Variants in SYN3 observed in about 807,000 individuals in gnomAD.
The protein encoded by SYN3 is synapsin III.
Under a neutral mutation model 65.8 loss-of-function variants are expected in SYN3, and 35 were observed. The ratio of observed to expected loss-of-function variants is 0.53; its 90% CI spans 0.41 to 0.70. The LOEUF is 0.70. SYN3 is among the 30% of genes least tolerant of loss of function. The pLI is 0.00. For synonymous variants in SYN3, 270 were observed against 292.9 expected (o/e 0.92, Z 0.80); for missense variants, 680 against 749.0 (o/e 0.91, Z 1.08).
intron 6 of SYN3, among the ~76,000 whole-genome samples, chr22:32,684,134 T>C (rs2147124682): frequency 6.6e-6 from 1 of 152,280 alleles, no homozygotes; most frequent in African/African-American, 2.4e-5. Context: ...CCAGGAACAA[T>C]GATTGATCCA....
In SYN3 at chr22:32,759,693, C is replaced by T. The variant is rs569901701; in HGVS notation, c.711+105222G>A. On this transcript the variant is annotated intron_variant, in intron 6 of 13. Transcript: ENST00000358763. Reference sequence around the variant, plus strand: ...CCACGGCACCCCCAGCCAGCACCCACGCACCACCAGCCAGCACCCACCCAC... The same window carrying T: ...CCACGGCACCCCCAGCCAGCACCCATGCACCACCAGCCAGCACCCACCCAC... Among the ~76,000 whole-genome samples, 7 of 134,352 alleles carry T rather than the reference C, an allele frequency of 5.2e-5. No individual in the cohort carries two copies. The South Asian group carries it at 8.5e-4, about 16-fold the overall frequency. 88.1% of individuals were successfully genotyped at this position (134,352 alleles called of 152,430 possible). A position where few individuals can be genotyped will look rare whatever the true frequency, so the allele number is the denominator to read the frequency against.
At chr22:32,806,772 A>T (rs935011387) in intron 6 of SYN3, among the ~76,000 whole-genome samples, 1 of 147,800 alleles carries the variant, frequency 6.8e-6, no homozygotes, top group African/African-American at 2.4e-5. Context: ...ATCCATTTCT[A>T]TTTATCATTT....
chr22:32,970,569 A>T (rs551860000), intron 3 of SYN3, among the ~76,000 whole-genome samples: 1 of 152,120 alleles, frequency 6.6e-6, no homozygotes, highest in Non-Finnish European at 1.5e-5. Context: ...AGAAAAAAAA[A>T]GGTAAAGACG....
intron 6 of SYN3, among the ~76,000 whole-genome samples, chr22:32,637,394 T>A (rs2059831163): frequency 6.6e-6 from 1 of 152,218 alleles, no homozygotes; most frequent in Non-Finnish European, 1.5e-5. Context: ...GTCTGCCGAA[T>A]ACACAGTCTG....
At chr22:33,020,829 C>G (rs948008165) in intron 1 of SYN3, among the ~76,000 whole-genome samples, 2 of 152,182 alleles carry the variant, frequency 1.3e-5, no homozygotes, top group South Asian at 4.1e-4. Flanking sequence ...GACCAGGTTG[C>G]TTGGGTTCCA....
At chr22:32,759,615 C>A (rs1230204705) in intron 6 of SYN3, among the ~76,000 whole-genome samples, 1 of 150,672 alleles carries the variant, frequency 6.6e-6, no homozygotes, top group Non-Finnish European at 1.5e-5. Context: ...CCTCGACCTG[C>A]CTGATTCCTA....
intron 7 of SYN3, among the ~76,000 whole-genome samples, chr22:32,574,752 G>C (rs1268887983): frequency 6.6e-6 from 1 of 152,188 alleles, no homozygotes; most frequent in Non-Finnish European, 1.5e-5. Context: ...GCCTTCTCAT[G>C]ATCTGAATAG....
intron 12 of SYN3, among the ~76,000 whole-genome samples, chr22:32,519,226 G>A (rs1242598402): frequency 1.3e-5 from 2 of 152,092 alleles, no homozygotes; most frequent in Non-Finnish European, 2.9e-5. Context: ...CATTTCTAAC[G>A]GGTTCCCAGC....
At chr22:32,625,915 CG>C (rs1345099185) in intron 6 of SYN3, among the ~76,000 whole-genome samples, 1 of 152,078 alleles carries the variant, frequency 6.6e-6, no homozygotes, top group African/African-American at 2.4e-5. Flanking sequence ...TATCGATAAC[CG>C]TAAGTCAAGG....
At chr22:32,851,287 G>A (rs939490920) in intron 6 of SYN3, among the ~76,000 whole-genome samples, 14 of 152,064 alleles carry the variant, frequency 9.2e-5, no homozygotes, top group Non-Finnish European at 1.6e-4. Flanking sequence ...GCAGAGAGCT[G>A]AGAGGGAAAT....
intron 6 of SYN3, among the ~76,000 whole-genome samples, chr22:32,650,774 C>T (rs558011089): frequency 2.5e-4 from 38 of 152,296 alleles, no homozygotes; most frequent in South Asian, 4.1e-4. Flanking sequence ...TACTGTACAG[C>T]GCTGTGACAA....
chr22:32,616,078 A>C (rs1355713590), intron 6 of SYN3, among the ~76,000 whole-genome samples: 1 of 152,206 alleles, frequency 6.6e-6, no homozygotes, highest in Non-Finnish European at 1.5e-5. Flanking sequence ...GCAAGCTGCG[A>C]GGAGAGAGGG....
At chr22:33,024,582 T>G (rs1379000173) in intron 1 of SYN3, among the ~76,000 whole-genome samples, 4 of 152,236 alleles carry the variant, frequency 2.6e-5, no homozygotes, top group Non-Finnish European at 5.9e-5. Flanking sequence ...AATTTCTTTT[T>G]GGCATGTACA....
chr22:33,019,438 T>C (rs1378712227), intron 1 of SYN3, among the ~76,000 whole-genome samples: 1 of 152,174 alleles, frequency 6.6e-6, no homozygotes, highest in Non-Finnish European at 1.5e-5. Flanking sequence ...ACTCATGTAA[T>C]ATCTATGAGA....
intron 7 of SYN3, among the ~76,000 whole-genome samples, chr22:32,570,338 C>T (rs3788458): frequency 0.31 from 47,557 of 151,864 alleles, 7,625 homozygotes; most frequent in East Asian, 0.51. Context: ...AAATTAAAGG[C>T]CATTGTAAAC....
chr22:32,804,945 G>GGGCAAATCTGCCCT (rs1569237691), intron 6 of SYN3, among the ~76,000 whole-genome samples: 1 of 152,164 alleles, frequency 6.6e-6, no homozygotes, highest in South Asian at 2.1e-4. Flanking sequence ...GCCTCGGCCC[G>GGGCAAATCTGCCCT]GGCAAATCTG....
intron 3 of SYN3, chr22:32,947,657 T>C (rs1047257059): frequency 3.3e-5 from 5 of 152,198 alleles, no homozygotes; most frequent in African/African-American, 1.2e-4. Context: ...AAGCACATAA[T>C]AGAAGGCAAA....
intron 6 of SYN3, among the ~76,000 whole-genome samples, chr22:32,797,171 T>G (rs2046448789): frequency 1.3e-5 from 2 of 152,102 alleles, no homozygotes; most frequent in Admixed American, 1.3e-4. Flanking sequence ...TAGCGCCCCC[T>G]AGCACCAGCC....
At chr22:32,571,947 G>A (rs532329319) in intron 7 of SYN3, among the ~76,000 whole-genome samples, 2 of 152,134 alleles carry the variant, frequency 1.3e-5, no homozygotes, top group South Asian at 4.2e-4. Flanking sequence ...CGCTCCAGTT[G>A]TGGTTTCTGC....
Sources: allele counts gnomAD v4.1 joint callset (sites outside exome capture counted in the v4.1 genomes callset), GRCh38; gene constraint gnomAD v4.1.1; transcripts MANE v1.5; gene names NCBI Gene and HGNC (gene_info 2026-07-23, HGNC 2026-07-21).